SIPA1L2: variants seen among roughly 807,000 people sequenced by gnomAD.
The protein encoded by SIPA1L2 is signal induced proliferation associated 1 like 2.
A neutral mutation model predicts 163.9 loss-of-function variants in SIPA1L2; 56 were observed. The observed-to-expected ratio is 0.34, with a 90% CI of 0.28 to 0.43. The LOEUF is 0.43. SIPA1L2 is among the 20% of genes least tolerant of loss of function. SIPA1L2 has a pLI of 1.00. For synonymous variants in SIPA1L2, 877 were observed against 865.7 expected (o/e 1.01, Z -0.23); for missense variants, 1,974 against 2,193.5 (o/e 0.90, Z 2.00).
intron 19 of SIPA1L2, among the ~76,000 whole-genome samples, 195 bp downstream of exon 19, chr1:232,415,299 T>C (rs1437965901): frequency 6.6e-6 from 1 of 152,190 alleles, no homozygotes; most frequent in Non-Finnish European, 1.5e-5. Flanking sequence ...TTTTACTAAA[T>C]GACATGATCT....
At position 232,427,612 on chromosome 1, in the gene SIPA1L2, GCTAAATCGCCTTTAAGTCCT is replaced by G. The variant is rs374114758; in HGVS notation, c.4410+779_4410+798del. Among the ~76,000 whole-genome samples the G allele has an allele frequency of 7.3e-3, 1,118 of 152,294 alleles. 9 individuals are homozygous for G. The highest frequency in any genetic ancestry group is 0.024 in the African/African-American group (1,010 of 41,556). On this transcript the variant is annotated intron_variant, in intron 17 of 22. Coordinates refer to ENST00000674635, the MANE Select transcript of SIPA1L2 (RefSeq NM_020808.5). ...GTTACTTGCTAAATGGGGTGATTGG[GCTAAATCGCCTTTAAGTCCT>G]TTTCAGTACTTTAAATTGTTTAGCA... is the stretch of plus-strand genomic sequence containing the variant.
intron 1 of SIPA1L2, among the ~76,000 whole-genome samples, chr1:232,616,138 A>C (rs879527422): frequency 6.6e-6 from 1 of 152,142 alleles, no homozygotes; most frequent in Non-Finnish European, 1.5e-5. Context: ...ATCTATCCAA[A>C]ATGTGTTCTG....
rs149207754 is a variant in SIPA1L2 at position 232,399,190 on chromosome 1, G to A, written c.5106C>T (p.Thr1702=). ...TGAATTTCCGCAGCTGAGCTGTCGCGGTCTGGGACTCCTCCTGCAGTCTCA... is the reference window on the plus strand; with the variant it reads ...TGAATTTCCGCAGCTGAGCTGTCGCAGTCTGGGACTCCTCCTGCAGTCTCA... ...DNMRLQEESQ[T]ATAQLRKFTE... is the part of the protein sequence containing the mutation. Residue 1702 remains threonine (T), a synonymous_variant, in exon 23 of 23, where the codon ACC becomes ACT. Coordinates refer to ENST00000674635, the MANE Select transcript of SIPA1L2 (RefSeq NM_020808.5). 322 of 1,613,770 alleles carry A rather than the reference G, an allele frequency of 2.0e-4. 1 individual carries two copies. In the African/African-American group the frequency reaches 3.9e-3, roughly 20 times the overall value.
At chr1:232,601,947 C>G (rs533164960) in intron 1 of SIPA1L2, among the ~76,000 whole-genome samples, 1 of 152,164 alleles carries the variant, frequency 6.6e-6, no homozygotes, top group Non-Finnish European at 1.5e-5. Context: ...TGTCACCTTA[C>G]AAGCATGTGA....
At chr1:232,468,545 G>T (rs2102939537) in intron 8 of SIPA1L2, among the ~76,000 whole-genome samples, 1 of 152,282 alleles carries the variant, frequency 6.6e-6, no homozygotes, top group Admixed American at 6.5e-5. Flanking sequence ...AAAGCCCATT[G>T]TAAGGATGAT....
intron 3 of SIPA1L2, among the ~76,000 whole-genome samples, chr1:232,501,203 A>G (rs747837629): frequency 1.6e-4 from 25 of 151,714 alleles, no homozygotes; most frequent in Non-Finnish European, 2.9e-5. Flanking sequence ...GACTACAGGC[A>G]CCCACCACCA....
intron 2 of SIPA1L2, among the ~76,000 whole-genome samples, chr1:232,546,058 A>G (rs1658013800): frequency 6.6e-6 from 1 of 152,238 alleles, no homozygotes; most frequent in Admixed American, 6.5e-5. Flanking sequence ...GATCACAGAA[A>G]AGCATCATTT....
At chr1:232,573,301 G>A (rs1659901712) in intron 2 of SIPA1L2, among the ~76,000 whole-genome samples, 1 of 152,178 alleles carries the variant, frequency 6.6e-6, no homozygotes, top group Non-Finnish European at 1.5e-5. Context: ...TTTGGTGTGA[G>A]TAAGGAATCG....
chr1:232,524,430 T>A (rs557599569), intron 2 of SIPA1L2, among the ~76,000 whole-genome samples: 7 of 152,186 alleles, frequency 4.6e-5, no homozygotes, highest in African/African-American at 1.7e-4. Context: ...TACAGACAGA[T>A]GCAAACTGGC....
intron 2 of SIPA1L2, among the ~76,000 whole-genome samples, chr1:232,566,856 A>G (rs1659434494): frequency 6.6e-6 from 1 of 152,222 alleles, no homozygotes; most frequent in African/African-American, 2.4e-5. Flanking sequence ...ACTCTAGTAC[A>G]CATTCTTGAA....
At chr1:232,585,305 G>A (rs1660598494) in intron 1 of SIPA1L2, among the ~76,000 whole-genome samples, 1 of 152,126 alleles carries the variant, frequency 6.6e-6, no homozygotes, top group Admixed American at 6.6e-5. Context: ...TCTTCTGGAG[G>A]CTTACTCTTA....
chr1:232,446,224 T>C (rs371913999), intron 10 of SIPA1L2, among the ~76,000 whole-genome samples: 58 of 152,330 alleles, frequency 3.8e-4, no homozygotes, highest in African/African-American at 1.4e-3. Context: ...ATATTTTAAA[T>C]ATATTTCTGG....
intron 2 of SIPA1L2, among the ~76,000 whole-genome samples, chr1:232,528,545 G>A (rs1048971308): frequency 6.6e-6 from 1 of 152,080 alleles, no homozygotes; most frequent in Admixed American, 6.5e-5. Context: ...CATCTCTCCT[G>A]CTCCTCCTTC....
chr1:232,473,443 G>A (rs1664893194), intron 7 of SIPA1L2, among the ~76,000 whole-genome samples: 1 of 152,122 alleles, frequency 6.6e-6, no homozygotes, highest in Admixed American at 6.6e-5. Flanking sequence ...GCTTCATGTT[G>A]GCCAGCCCTC....
intron 1 of SIPA1L2, among the ~76,000 whole-genome samples, chr1:232,605,996 C>T (rs1355060112): frequency 1.3e-5 from 2 of 152,138 alleles, no homozygotes; most frequent in East Asian, 1.9e-4. Context: ...ACACATGATG[C>T]TACTGAGTTC....
intron 2 of SIPA1L2, among the ~76,000 whole-genome samples, chr1:232,544,377 T>C (rs550147566): frequency 1.3e-5 from 2 of 152,022 alleles, no homozygotes; most frequent in South Asian, 2.1e-4. Flanking sequence ...CTGGCTAACA[T>C]GGTGAAACCC....
rs1230188852 is a variant in SIPA1L2 at position 232,439,327 on chromosome 1, G to A, written c.3812C>T (p.Pro1271Leu). ...GCCGAGGATGGTGGCAGGCATGCAG[G>A]GGGCCGTGTCGATGCCACTGTCGGT... ...ASTDSGIDTA[P>L]CMPATILGPV... Residue 1271 changes from proline (P) to leucine (L), a missense_variant, in exon 15 of 23, where the codon CCC (proline) becomes CTC (leucine). By Grantham distance (98) the Pro-to-Leu change is moderately conservative (BLOSUM62 -3). Coordinates refer to ENST00000674635, the MANE Select transcript of SIPA1L2 (RefSeq NM_020808.5). The A allele has an allele frequency of 4.3e-6, 7 of 1,614,102 alleles. No individual in the cohort carries two copies. The Admixed American group carries it at 1.2e-4, about 27-fold the overall frequency.
At chr1:232,568,597 G>A (rs1659536428) in intron 2 of SIPA1L2, among the ~76,000 whole-genome samples, 1 of 152,110 alleles carries the variant, frequency 6.6e-6, no homozygotes, top group Non-Finnish European at 1.5e-5. Context: ...GAACAGACAG[G>A]GCTATCCTGG....
rs77653349 is a variant in SIPA1L2 at position 232,515,412 on chromosome 1, G to A, written c.-73C>T. 1,890 of 1,434,422 alleles carry A rather than the reference G, an allele frequency of 1.3e-3. 24 individuals are homozygous for A. The African/African-American group carries it at 0.023, about 18-fold the overall frequency. The allele number at this position is 1,434,422 out of a possible 1,614,324, so 88.9% of individuals were successfully genotyped here. ...ATCTAATTACATTGCTACCGACCACGCCATAATACTTGCAGATATAAAGGC... is the reference window on the plus strand; with the variant it reads ...ATCTAATTACATTGCTACCGACCACACCATAATACTTGCAGATATAAAGGC... On this transcript the variant is annotated 5_prime_UTR_variant, in exon 3 of 23. Transcript: ENST00000674635.
Sources: allele counts gnomAD v4.1 joint callset (sites outside exome capture counted in the v4.1 genomes callset), GRCh38; gene constraint gnomAD v4.1.1; transcripts MANE v1.5; gene names NCBI Gene and HGNC (gene_info 2026-07-23, HGNC 2026-07-21).